RUFY4: variants seen among roughly 807,000 people sequenced by gnomAD.
The protein encoded by RUFY4 is RUN and FYVE domain-containing protein 4.
In RUFY4, 73 loss-of-function variants were observed where a neutral mutation model predicts 69.0. The ratio of observed to expected loss-of-function variants is 1.06; its 90% CI spans 0.88 to 1.29. The LOEUF is 1.29. Among genes scored for constraint, RUFY4 ranks in the 50% most tolerant of loss-of-function variants. RUFY4 has a pLI of 0.00. For synonymous variants in RUFY4, 287 were observed against 271.8 expected (o/e 1.06, Z -0.55); for missense variants, 770 against 705.6 (o/e 1.09, Z -1.03).
chr2:218,070,606 A>G (rs1331711043), exon 1 of RUFY4: 2 of 1,537,594 alleles, frequency 1.3e-6, no homozygotes, highest in South Asian at 1.2e-5. Flanking sequence ...CCAAGTACCC[A>G]TGGCAGAAGA....
chr2:218,050,300 C>T (rs1407645658), intron 2 of RUFY4, among the ~76,000 whole-genome samples: 1 of 152,244 alleles, frequency 6.6e-6, no homozygotes, highest in East Asian at 1.9e-4. Context: ...TATCTTATTC[C>T]TCTTGATCAC....
intron 9 of RUFY4, among the ~76,000 whole-genome samples, chr2:218,084,050 G>C (rs1167909266): frequency 6.6e-6 from 1 of 152,140 alleles, no homozygotes; most frequent in Non-Finnish European, 1.5e-5. Flanking sequence ...GCTCACCAGG[G>C]TCAGCTCCAA....
chr2:218,045,488 A>T (rs1235169913), intron 2 of RUFY4, among the ~76,000 whole-genome samples: 1 of 152,178 alleles, frequency 6.6e-6, no homozygotes, highest in Non-Finnish European at 1.5e-5. Flanking sequence ...GACAGCTCAT[A>T]AAAAAGAAAA....
At chr2:218,041,411 C>G (rs1279800767) in intron 2 of RUFY4, among the ~76,000 whole-genome samples, 2 of 152,168 alleles carry the variant, frequency 1.3e-5, no homozygotes, top group Non-Finnish European at 2.9e-5. Flanking sequence ...GTCTCCCAGT[C>G]CATGAGCATA....
intron 7 of RUFY4, 62 bp downstream of exon 9, chr2:218,075,802 G>C: frequency 7.4e-7 from 1 of 1,355,460 alleles, no homozygotes; most frequent in South Asian, 2.5e-5. Context: ...CCACAGATGA[G>C]GGTCTGCAAT....
At chr2:218,073,980 C>G (rs537926652) in intron 6 of RUFY4, 95 bp downstream of exon 8, 1 of 1,238,900 alleles carries the variant, frequency 8.1e-7, no homozygotes, top group African/African-American at 1.5e-5. Context: ...TCCGAGTGTA[C>G]AGAGAGCCCT....
intron 3 of RUFY4, among the ~76,000 whole-genome samples, chr2:218,063,567 T>C (rs981555054): frequency 2.6e-5 from 4 of 152,100 alleles, no homozygotes; most frequent in Non-Finnish European, 4.4e-5. Flanking sequence ...ACACAAAAAC[T>C]AATGTTCATA....
rs79248409 is a variant in RUFY4 at position 218,073,174 on chromosome 2, G to A, written c.387-69G>A. The stretch of plus-strand genomic sequence containing the variant: ...GCTTTGTTGAGGTTGAGCTGGGGTG[G>A]GGGTGGTTGGGGCAGGGGGAAACAG... On this transcript the variant is annotated intron_variant, in intron 4 of 10. Coordinates refer to ENST00000344321, the Ensembl canonical transcript of RUFY4. 4,985 of 1,514,466 alleles carry A rather than the reference G, an allele frequency of 3.3e-3. 137 individuals are homozygous for A. The African/African-American group carries it at 0.061, about 18-fold the overall frequency. The allele number at this position is 1,514,466 out of a possible 1,614,324, so 93.8% of individuals were successfully genotyped here. A position where few individuals can be genotyped will look rare whatever the true frequency, so the allele number is the denominator to read the frequency against.
chr2:218,052,777 C>A (rs1297778520), intron 2 of RUFY4, among the ~76,000 whole-genome samples: 2 of 147,754 alleles, frequency 1.4e-5, no homozygotes, highest in African/African-American at 2.5e-5. Flanking sequence ...GTGTTTTGTG[C>A]TGTTAATATT....
At chr2:218,067,821 T>C (rs1268148667), upstream of RUFY4, among the ~76,000 whole-genome samples, 1 of 152,112 alleles carries the variant, frequency 6.6e-6, no homozygotes, top group East Asian at 1.9e-4. Flanking sequence ...CTGTCCCTGC[T>C]CCTGCCCACC....
intron 6 of RUFY4, 186 bp downstream of exon 8, chr2:218,074,071 T>G (rs953101751): frequency 4.7e-6 from 3 of 641,134 alleles, no homozygotes; most frequent in Non-Finnish European, 8.3e-6. Context: ...AGGGCTCCTA[T>G]TCCTGGGGTG....
chr2:218,058,719 G>A (rs1689118408), intron 3 of RUFY4: 1 of 152,300 alleles, frequency 6.6e-6, no homozygotes, highest in Non-Finnish European at 1.5e-5. Context: ...TATGATGGGT[G>A]TGTGCTTGTG....
chr2:218,043,317 A>T (rs1688743590), intron 2 of RUFY4, among the ~76,000 whole-genome samples: 1 of 151,618 alleles, frequency 6.6e-6, no homozygotes, highest in Non-Finnish European at 1.5e-5. Flanking sequence ...CCTGAAGAGG[A>T]TAGCTCCTCT....
At chr2:218,088,119 G>T (rs569770111) in intron 9 of RUFY4, among the ~76,000 whole-genome samples, 1 of 152,224 alleles carries the variant, frequency 6.6e-6, no homozygotes, top group Admixed American at 6.5e-5. Flanking sequence ...GAGCACTTTT[G>T]TACGATTTTA....
At chr2:218,072,729 C>A (rs539805613) in intron 3 of RUFY4, 50 bp from the exon 6 acceptor site, 8 of 1,392,090 alleles carry the variant, frequency 5.7e-6, no homozygotes, top group South Asian at 1.4e-5. Context: ...GTTACCTGGG[C>A]GCCCTTTGTC....
intron 2 of RUFY4, among the ~76,000 whole-genome samples, chr2:218,038,264 AG>A (rs1226423138): frequency 6.6e-5 from 10 of 152,168 alleles, no homozygotes; most frequent in African/African-American, 1.4e-4. Context: ...GAAAAACACC[AG>A]AAAAAAAAGC....
In RUFY4 at chr2:218,075,181, G is replaced by A. The variant is rs771435975; in HGVS notation, c.689G>A (p.Gly230Glu). 94 of 1,557,302 alleles carry A rather than the reference G, an allele frequency of 6.0e-5. No individual in the cohort carries two copies. The highest frequency in any genetic ancestry group is 7.9e-5 in the Non-Finnish European group (91 of 1,150,262). ...ATCTGTCTGCAAGATGCACCCAGTG[G>A]ACAGCAGCTGGCAGGGCTTCCCAGG... Residue 230 changes from glycine to glutamate, a missense_variant, in exon 7 of 11, where the codon GGA becomes GAA. By Grantham distance (98) the Gly-to-Glu change is moderately conservative (BLOSUM62 -2). Transcript: ENST00000344321.
chr2:218,066,712 T>C (rs13421668), upstream of RUFY4, among the ~76,000 whole-genome samples: 38,081 of 152,230 alleles, frequency 0.25, 5,899 homozygotes, highest in East Asian at 0.39. Context: ...CTAATTTGCA[T>C]TGCTGCAATG....
chr2:218,070,675 C>A, intron 1 of RUFY4, 24 bp downstream of exon 3: 1 of 1,537,016 alleles, frequency 6.5e-7, no homozygotes, highest in South Asian at 1.2e-5. Context: ...GAGAGATGCT[C>A]TGGGACTGAG....
Sources: allele counts gnomAD v4.1 joint callset (sites outside exome capture counted in the v4.1 genomes callset), GRCh38; gene constraint gnomAD v4.1.1; transcripts MANE v1.5; gene names NCBI Gene and HGNC (gene_info 2026-07-23, HGNC 2026-07-21).